The following ITK variants were observed in gnomAD, a reference collection of about 807,000 sequenced individuals.
ITK encodes IL2 inducible T cell kinase.
A neutral mutation model predicts 87.6 loss-of-function variants in ITK; 45 were observed. That is an observed-to-expected ratio of 0.51 (90% CI 0.40 to 0.66). The LOEUF (loss-of-function observed/expected upper bound fraction) is 0.66, where lower values mean the gene tolerates loss of function less well. ITK is among the 30% of genes least tolerant of loss of function. The pLI, the probability that ITK is intolerant of heterozygous loss-of-function variation, is 0.00. For synonymous variants in ITK, 303 were observed against 273.6 expected, an observed-to-expected ratio of 1.11 and a Z score of -1.06; for missense variants, 605 against 766.3, an observed-to-expected ratio of 0.79 and a Z score of 2.48.
intron 6 of ITK, among the ~76,000 whole-genome samples, chr5:157,225,151 T>A (rs1754506038): frequency 6.6e-6 from 1 of 152,032 alleles, no homozygotes; most frequent in Non-Finnish European, 1.5e-5. Flanking sequence ...CGCACCACCA[T>A]GCCCAGATAA....
chr5:157,243,539 G>C lies in ITK; in HGVS notation c.1061-84G>C, dbSNP rs1754956422. 11 of 1,133,488 alleles carry C rather than the reference G, an allele frequency of 9.7e-6. No individual in the cohort carries two copies. In the South Asian group the frequency reaches 1.4e-4, roughly 14 times the overall value. 70.2% of individuals were successfully genotyped at this position (1,133,488 alleles called of 1,614,324 possible). On this transcript the variant is annotated intron_variant, in intron 11 of 16. Coordinates refer to ENST00000422843, the MANE Select transcript of ITK (RefSeq NM_005546.4). ...ATATTAACAATAGGCTAAAATTCTA[G>C]TTAGGGCTTTATAGTCCCCTGGTAT...
At chr5:157,227,718 C>A (rs543843836) in intron 6 of ITK, among the ~76,000 whole-genome samples, 1 of 150,920 alleles carries the variant, frequency 6.6e-6, no homozygotes, top group East Asian at 1.9e-4. Context: ...GCAAACAGAG[C>A]TTTTTAAGTA....
At chr5:157,183,749 G>C (rs891931395) in intron 1 of ITK, among the ~76,000 whole-genome samples, 1 of 152,112 alleles carries the variant, frequency 6.6e-6, no homozygotes, top group Admixed American at 6.5e-5. Context: ...GCCCCTCTTA[G>C]GGTGTCGGGT....
chr5:157,225,481 G>A (rs1158432357), intron 6 of ITK, among the ~76,000 whole-genome samples: 1 of 151,886 alleles, frequency 6.6e-6, no homozygotes, highest in African/African-American at 2.4e-5. Context: ...AAAAAAAAGA[G>A]GGGCACAAAT....
In ITK at chr5:157,253,714, AG is replaced by A. The variant is rs2113780408; in HGVS notation, c.*1039del. On this transcript the variant is annotated 3_prime_UTR_variant, in exon 17 of 17. Coordinates refer to ENST00000422843, the MANE Select transcript of ITK (RefSeq NM_005546.4). ...AGCAATTGAAACTTGTTTAGGCCCT[AG>A]GGTTGAGCAATTTTAAGGTTGAGAC... 1 of 220,922 alleles carries A rather than the reference AG, an allele frequency of 4.5e-6. No homozygotes were observed. The highest frequency in any genetic ancestry group is 1.8e-4 in the South Asian group (1 of 5,432). The allele number at this position is 220,922 out of a possible 1,614,324, so 13.7% of individuals were successfully genotyped here.
At chr5:157,188,380 A>G (rs188575712) in intron 1 of ITK, among the ~76,000 whole-genome samples, 2 of 152,162 alleles carry the variant, frequency 1.3e-5, no homozygotes, top group Non-Finnish European at 2.9e-5. Flanking sequence ...CTGTGGTCCC[A>G]GCCTGCCTTC....
chr5:157,238,018 T>C, intron 8 of ITK, 91 bp from the exon 9 acceptor site: 1 of 927,152 alleles, frequency 1.1e-6, no homozygotes, highest in Non-Finnish European at 1.8e-6. Flanking sequence ...GCCTACAGTA[T>C]TTCCTCCTTC....
At chr5:157,221,585 T>C (rs933001592) in intron 5 of ITK, among the ~76,000 whole-genome samples, 9 of 152,056 alleles carry the variant, frequency 5.9e-5, no homozygotes, top group South Asian at 2.1e-4. Context: ...GCTTGCATGA[T>C]TATTAGAAAA....
intron 1 of ITK, among the ~76,000 whole-genome samples, chr5:157,208,558 T>C (rs573567018): frequency 2.1e-4 from 32 of 152,318 alleles, no homozygotes; most frequent in African/African-American, 7.2e-4. Context: ...AATTGTCATA[T>C]GTGTGTCCAT....
chr5:157,207,025 G>T (rs903193872), intron 1 of ITK, among the ~76,000 whole-genome samples: 3 of 151,884 alleles, frequency 2.0e-5, no homozygotes, highest in Non-Finnish European at 2.9e-5. Context: ...TAATAAAGCT[G>T]ATTTTTAAAA....
chr5:157,213,391 G>C (rs30138), intron 3 of ITK, among the ~76,000 whole-genome samples: 3 of 152,016 alleles, frequency 2.0e-5, no homozygotes, highest in African/African-American at 7.2e-5. Context: ...AGAGCCAAAC[G>C]ATATCAGACA....
At chr5:157,244,206 C>A in intron 12 of ITK, 56 bp from the exon 13 acceptor site, 1 of 1,340,380 alleles carries the variant, frequency 7.5e-7, no homozygotes, top group Non-Finnish European at 1.1e-6. Context: ...ATAATATTTT[C>A]GGCATTTTTG....
chr5:157,214,355 A>C (rs998745112), intron 4 of ITK, 36 bp downstream of exon 4: 4 of 1,588,434 alleles, frequency 2.5e-6, no homozygotes, highest in Non-Finnish European at 3.5e-6. Context: ...TTTTTGTGAA[A>C]TGACCATAAA....
Position 157,242,348 on chromosome 5 carries a change from T to G in ITK, c.1060+628T>G, listed in dbSNP as rs137942351. On this transcript the variant is annotated intron_variant, in intron 11 of 16. Coordinates refer to ENST00000422843, the MANE Select transcript of ITK (RefSeq NM_005546.4). ...GGAGAAGGCTGGTCTAATTTTCATTTCTTATCTCCTAGCTTGGTGGTTCTC... is the reference window on the plus strand; with the variant it reads ...GGAGAAGGCTGGTCTAATTTTCATTGCTTATCTCCTAGCTTGGTGGTTCTC... 1.2e-3 allele frequency among the ~76,000 whole-genome samples: 180 copies of G among 152,324 alleles called. 1 individual carries two copies. Among genetic ancestry groups the G allele is most frequent in the African/African-American group, 4.0e-3 (165 of 41,562 alleles).
At chr5:157,194,135 C>T (rs1753807198) in intron 1 of ITK, among the ~76,000 whole-genome samples, 1 of 152,094 alleles carries the variant, frequency 6.6e-6, no homozygotes, top group African/African-American at 2.4e-5. Context: ...GTGACCTGTC[C>T]TGATATCTCT....
At chr5:157,217,366 G>A (rs1444041066) in intron 4 of ITK, among the ~76,000 whole-genome samples, 1 of 152,046 alleles carries the variant, frequency 6.6e-6, no homozygotes, top group African/African-American at 2.4e-5. Context: ...ATGCCTTAAG[G>A]CAACTAAAAG....
intron 15 of ITK, 81 bp downstream of exon 15, chr5:157,246,080 AC>A: frequency 1.0e-6 from 1 of 954,020 alleles, no homozygotes; most frequent in Non-Finnish European, 1.7e-6. Flanking sequence ...AGACAACCCT[AC>A]CCACACTGAA....
At position 157,238,100 on chromosome 5, in the gene ITK, C is replaced by A. The variant is rs1053064787; in HGVS notation, c.769-9C>A. On this transcript the variant is annotated splice_polypyrimidine_tract_variant and intron_variant, in intron 8 of 16. Coordinates refer to ENST00000422843, the MANE Select transcript of ITK (RefSeq NM_005546.4). ...ATCACTAACTTTCCATTCTTTCTAA[C>A]CATTCCAGGGCAAAGAAGGAGCCTT... 6.2e-7 allele frequency: 1 copy of A among 1,607,366 alleles called. No homozygotes were observed. Among genetic ancestry groups the A allele is most frequent in the Non-Finnish European group, 8.5e-7 (1 of 1,173,900 alleles).
At chr5:157,200,358 T>C (rs917453845) in intron 1 of ITK, among the ~76,000 whole-genome samples, 19 of 152,184 alleles carry the variant, frequency 1.2e-4, no homozygotes, top group Non-Finnish European at 1.5e-5. Flanking sequence ...CAAGTAAGAA[T>C]GAGAGCAGGT....
Sources: allele counts gnomAD v4.1 joint callset (sites outside exome capture counted in the v4.1 genomes callset), GRCh38; gene constraint gnomAD v4.1.1; transcripts MANE v1.5; gene names NCBI Gene and HGNC (gene_info 2026-07-23, HGNC 2026-07-21).